DOCK2: variants seen among roughly 807,000 people sequenced by gnomAD.
The protein encoded by DOCK2 is dedicator of cytokinesis 2.
A neutral mutation model predicts 248.9 loss-of-function variants in DOCK2; 87 were observed. The observed-to-expected ratio is 0.35, with a 90% CI of 0.29 to 0.42. DOCK2 has a LOEUF of 0.42. DOCK2 is among the 10% of genes least tolerant of loss of function. The pLI is 1.00. For missense variants in DOCK2, 1,747 were observed against 2,300.2 expected, an observed-to-expected ratio of 0.76 and a Z score of 4.92; for synonymous variants, 805 against 821.6, an observed-to-expected ratio of 0.98 and a Z score of 0.35.
At chr5:169,997,432 C>T (rs560498563) in intron 30 of DOCK2, among the ~76,000 whole-genome samples, 19 of 147,554 alleles carry the variant, frequency 1.3e-4, no homozygotes, top group Non-Finnish European at 2.2e-4. Flanking sequence ...TTATGGGTGT[C>T]GGGCTGGGGG....
intron 38 of DOCK2, among the ~76,000 whole-genome samples, chr5:170,044,589 C>G (rs1046530685): frequency 1.3e-5 from 2 of 152,172 alleles, no homozygotes; most frequent in African/African-American, 4.8e-5. Flanking sequence ...AGGGGGATTA[C>G]CCCAAACTTC....
At chr5:169,733,645 A>C (rs1241995251) in intron 22 of DOCK2, among the ~76,000 whole-genome samples, 5 of 152,106 alleles carry the variant, frequency 3.3e-5, no homozygotes, top group Admixed American at 1.3e-4. Flanking sequence ...CTGTTGGTAA[A>C]ATCCCTGAAA....
chr5:169,653,321 C>T (rs1757907889), intron 1 of DOCK2, among the ~76,000 whole-genome samples: 1 of 152,178 alleles, frequency 6.6e-6, no homozygotes, highest in South Asian at 2.1e-4. Flanking sequence ...ATCTTAGCTC[C>T]CCACCCAACA....
intron 38 of DOCK2, among the ~76,000 whole-genome samples, chr5:170,043,088 C>T (rs928370054): frequency 1.6e-4 from 24 of 152,180 alleles, no homozygotes; most frequent in Non-Finnish European, 3.4e-4. Context: ...CTGCTCAGCT[C>T]CAGCCTCTGG....
intron 14 of DOCK2, among the ~76,000 whole-genome samples, chr5:169,702,994 AT>A (rs1223858891): frequency 2.0e-5 from 3 of 152,184 alleles, no homozygotes; most frequent in Non-Finnish European, 4.4e-5. Flanking sequence ...GCATTGCTAT[AT>A]TTATACAGCA....
intron 25 of DOCK2, among the ~76,000 whole-genome samples, chr5:169,773,566 T>C (rs1460147576): frequency 1.3e-5 from 2 of 152,210 alleles, no homozygotes; most frequent in African/African-American, 2.4e-5. Flanking sequence ...TTGGAATGAT[T>C]CTTTGCATTA....
At chr5:170,068,564 C>T (rs969763250) in intron 45 of DOCK2, among the ~76,000 whole-genome samples, 6 of 152,130 alleles carry the variant, frequency 3.9e-5, no homozygotes, top group Admixed American at 3.9e-4. Context: ...CATTGGTAAC[C>T]CTTTGCTCAG....
intron 29 of DOCK2, 116 bp from the exon 30 acceptor site, chr5:169,995,970 A>G: frequency 1.0e-6 from 1 of 997,264 alleles, no homozygotes; most frequent in Non-Finnish European, 1.5e-6. Context: ...CTAAATCAGT[A>G]ATTTGGCCTT....
At chr5:169,842,999 T>C (rs372489625) in intron 27 of DOCK2, among the ~76,000 whole-genome samples, 3 of 152,192 alleles carry the variant, frequency 2.0e-5, no homozygotes, top group South Asian at 2.1e-4. Context: ...CCAAATGAAG[T>C]CATAAATGCA....
intron 27 of DOCK2, chr5:169,876,016 C>G (rs1352929859): frequency 1.3e-5 from 2 of 152,218 alleles, no homozygotes; most frequent in African/African-American, 4.8e-5. Flanking sequence ...CAGAGCTGTG[C>G]TCTTTCTGGA....
intron 27 of DOCK2, among the ~76,000 whole-genome samples, chr5:169,978,833 T>G (rs1043168490): frequency 6.6e-6 from 1 of 152,174 alleles, no homozygotes; most frequent in Non-Finnish European, 1.5e-5. Context: ...ATTGCACTTA[T>G]TTTTACACGT....
Position 170,069,122 on chromosome 5 carries a change from A to G in DOCK2, c.4645-15A>G, listed in dbSNP as rs201552547. 286 of 1,612,158 alleles carry G rather than the reference A, an allele frequency of 1.8e-4. 1 individual carries two copies. The highest frequency in any genetic ancestry group is 2.3e-4 in the Non-Finnish European group (274 of 1,179,118). ...CATGAACAGGAAACCCTGACCTCCT[A>G]TCTGTCCTCCCCAGGCCTTCTTCAC... On this transcript the variant is annotated splice_polypyrimidine_tract_variant and intron_variant, in intron 45 of 51. Transcript: ENST00000520908.
rs945868529 is a variant in DOCK2, at chr5:169,840,814, C to T, written c.2761C>T (p.Arg921Trp). The stretch of plus-strand genomic sequence containing the variant: ...GGTCCAGCTGCTGCGGACAGTGAAC[C>T]GGACAGTCATCACCATGGGCCGGGA... ...IMVQLLRTVN[R>W]TVITMGRDHI... The change falls in exon 27 of 52, where the codon CGG (arginine) becomes TGG (tryptophan). Residue 921 changes from arginine to tryptophan, a missense_variant. Physicochemically the swap from Arg to Trp is moderately radical, Grantham distance 101. This residue lies in a region of DOCK2 where 858 missense variants were observed against 1,183.5 expected (regional missense o/e 0.72). Coordinates refer to ENST00000520908, the MANE Select transcript of DOCK2 (RefSeq NM_004946.3). 17 of 1,613,842 alleles carry T rather than the reference C, an allele frequency of 1.1e-5. No homozygotes were observed. Among genetic ancestry groups the T allele is most frequent in the Admixed American group, 3.3e-5 (2 of 59,988 alleles).
rs76770395 is a variant in DOCK2, at chr5:170,072,659, T to G, written c.4729-3288T>G. Reference sequence around the variant, plus strand: ...CCCACACAACTTCTAAGTCAGTTGATCCACATTCTCCCTGACACTTGATAC... The same window carrying G: ...CCCACACAACTTCTAAGTCAGTTGAGCCACATTCTCCCTGACACTTGATAC... On this transcript the variant is annotated intron_variant, in intron 46 of 51. Coordinates refer to ENST00000520908, the MANE Select transcript of DOCK2 (RefSeq NM_004946.3). Among the ~76,000 whole-genome samples the G allele has an allele frequency of 7.3e-3, 1,109 of 152,358 alleles. 6 individuals are homozygous for G. The highest frequency in any genetic ancestry group is 0.013 in the Non-Finnish European group (851 of 68,028).
intron 33 of DOCK2, among the ~76,000 whole-genome samples, chr5:170,020,653 A>G (rs1303767866): frequency 6.6e-6 from 1 of 152,244 alleles, no homozygotes; most frequent in African/African-American, 2.4e-5. Flanking sequence ...GAAAGTCACA[A>G]TCAAGAAAGT....
chr5:169,869,722 T>C (rs1771829698), intron 27 of DOCK2, among the ~76,000 whole-genome samples: 1 of 152,218 alleles, frequency 6.6e-6, no homozygotes, highest in South Asian at 2.1e-4. Context: ...TTGAAGTTAA[T>C]TCTTAGCAGA....
intron 5 of DOCK2, among the ~76,000 whole-genome samples, chr5:169,673,312 C>T (rs903600649): frequency 2.6e-5 from 4 of 151,976 alleles, no homozygotes; most frequent in African/African-American, 9.7e-5. Context: ...TAACAAAATA[C>T]ATTCTTATCA....
In DOCK2 at chr5:169,981,821, T is replaced by A. The variant is rs745726557; in HGVS notation, c.2800-1247T>A. Reference sequence around the variant, plus strand: ...TATGTTCTCAAATTAAAATTTATATTTTTTTAAACATAATGCTATTGCATA... The same window carrying A: ...TATGTTCTCAAATTAAAATTTATATATTTTTAAACATAATGCTATTGCATA... On this transcript the variant is annotated intron_variant, in intron 27 of 51. Coordinates refer to ENST00000520908, the MANE Select transcript of DOCK2 (RefSeq NM_004946.3). Among the ~76,000 whole-genome samples, 6 of 152,320 alleles carry A rather than the reference T, an allele frequency of 3.9e-5. No homozygotes were observed. The East Asian group carries it at 5.8e-4, about 15-fold the overall frequency.
intron 19 of DOCK2, among the ~76,000 whole-genome samples, chr5:169,715,548 C>T (rs950560265): frequency 6.6e-6 from 1 of 151,866 alleles, no homozygotes; most frequent in Non-Finnish European, 1.5e-5. Flanking sequence ...TTGGAGAAGT[C>T]ATGGAAGAGA....
Sources: gnomAD v4.1 joint callset for allele counts (sites outside exome capture counted in the v4.1 genomes callset) on GRCh38, gnomAD v4.1.1 for gene constraint, gnomAD v4.1.1 regional missense constraint, MANE v1.5 for transcripts, NCBI Gene and HGNC (gene_info 2026-07-23, HGNC 2026-07-21) for gene names.